Variants in HMCN2 observed in about 807,000 individuals in gnomAD.
The protein encoded by HMCN2 is hemicentin-2.
A neutral mutation model predicts 377.5 loss-of-function variants in HMCN2; 325 were observed. The ratio of observed to expected loss-of-function variants is 0.86; its 90% CI spans 0.79 to 0.94. The LOEUF is 0.94. Among genes scored for constraint, HMCN2 ranks in the 40% least tolerant of loss-of-function variants. HMCN2 has a pLI of 0.00. For synonymous variants in HMCN2, 2,007 were observed against 2,046.8 expected (o/e 0.98, Z 0.53); for missense variants, 4,543 against 4,725.3 (o/e 0.96, Z 1.13).
At position 130,304,441 on chromosome 9, in the gene HMCN2, G is replaced by A. The variant is rs1836720418; in HGVS notation, c.1544-289G>A. 6.6e-6 allele frequency among the ~76,000 whole-genome samples: 1 copy of A among 152,164 alleles called. No homozygotes were observed. The highest frequency in any genetic ancestry group is 6.5e-5 in the Admixed American group (1 of 15,280). On this transcript the variant is annotated intron_variant, in intron 10 of 97. Coordinates refer to ENST00000683500, the MANE Select transcript of HMCN2 (RefSeq NM_001291815.2). The surrounding 1 kb of genome is among the most constrained non-coding windows in gnomAD (Gnocchi z 4.3). Reference sequence around the variant, plus strand: ...TCTTCAGCTCGGAGGCATGAAGATGGGTGTCCGGCTTGTTGCACATTGCAC... The same window carrying A: ...TCTTCAGCTCGGAGGCATGAAGATGAGTGTCCGGCTTGTTGCACATTGCAC...
Position 130,427,331 on chromosome 9 carries a change from GCCC to G in HMCN2, c.13900_13902del (p.Pro4634del). ...TTTGCAGAGGAGAACGAGGTCGGCT[GCCC>G]CGAGGGCTTTGAGCTGGACTCCCAG... is the stretch of plus-strand genomic sequence containing the variant. On this transcript the variant is annotated inframe_deletion, in exon 91 of 98. Transcript: ENST00000683500. The G allele has an allele frequency of 6.4e-7, 1 of 1,550,586 alleles. No homozygotes were observed.
chr9:130,346,781 G>A (rs1387283833), intron 25 of HMCN2, among the ~76,000 whole-genome samples: 1 of 152,100 alleles, frequency 6.6e-6, no homozygotes. Context: ...GAGCATAGAC[G>A]CGTCCTCTGA....
chr9:130,272,443 G>T (rs1554921437), intron 1 of HMCN2, among the ~76,000 whole-genome samples: 1 of 125,660 alleles, frequency 8.0e-6, no homozygotes, highest in Non-Finnish European at 2.0e-5. Flanking sequence ...GTTTCACTAT[G>T]TTGGCCAGGC....
At position 130,424,807 on chromosome 9, in the gene HMCN2, C is replaced by T. The variant is rs147034490; in HGVS notation, c.13413C>T (p.Ile4471=). The part of the protein sequence containing the change: ...GPLMRVLVVT[I]APIYWALARE... ...TGATGCGGGTGCTCGTGGTCACCAT[C>T]GCCCCCATCTACTGGGCCCTGGCCA... Residue 4471 remains isoleucine, a synonymous_variant, in exon 88 of 98, where the codon ATC becomes ATT. Transcript: ENST00000683500. 5.5e-3 allele frequency: 8,458 copies of T among 1,538,830 alleles called. 38 individuals carry two copies. The highest frequency in any genetic ancestry group is 7.1e-3 in the Middle Eastern group (42 of 5,898).
chr9:130,379,571 C>A, intron 54 of HMCN2, 104 bp downstream of exon 54: 1 of 400,312 alleles, frequency 2.5e-6, no homozygotes, highest in Non-Finnish European at 3.4e-6. Flanking sequence ...ACCTTAGCTG[C>A]AATTTGTAAA....
Position 130,354,835 on chromosome 9 carries a change from T to C in HMCN2, c.4937T>C (p.Leu1646Pro). The change falls in exon 32 of 98, where the codon CTG (leucine) becomes CCG (proline). Residue 1646 changes from leucine (L) to proline (P), a missense_variant. Physicochemically the swap from Leu to Pro is moderately conservative, Grantham distance 98 (BLOSUM62 -3). This residue lies in a region of HMCN2 where 1,032 missense variants were observed against 1,285.1 expected (regional missense o/e 0.80). Transcript: ENST00000683500. The part of the protein sequence containing the change: ...VKAVAGRPVA[L>P]ECVARGHPSP... ...GCTGTGGCTGGGAGGCCTGTGGCGC[T>C]GGAGTGCGTGGCCAGAGGCCACCCG... 1 of 1,304,214 alleles carries C rather than the reference T, an allele frequency of 7.7e-7. No individual in the cohort carries two copies. The highest frequency in any genetic ancestry group is 1.0e-6 in the Non-Finnish European group (1 of 988,924). 80.8% of individuals were successfully genotyped at this position (1,304,214 alleles called of 1,614,324 possible).
intron 87 of HMCN2, among the ~76,000 whole-genome samples, chr9:130,424,248 G>A (rs753234932): frequency 6.7e-5 from 10 of 149,090 alleles, no homozygotes; most frequent in Non-Finnish European, 1.2e-4. Flanking sequence ...GCATGATCTT[G>A]GCTCACTGCA....
At chr9:130,310,456 A>G (rs1837179735) in intron 15 of HMCN2, among the ~76,000 whole-genome samples, 1 of 149,714 alleles carries the variant, frequency 6.7e-6, no homozygotes, top group Non-Finnish European at 1.5e-5. Flanking sequence ...GGCTGTTGGC[A>G]GGAGGCTCCC....
chr9:130,412,481 G>T (rs545909159), intron 85 of HMCN2, among the ~76,000 whole-genome samples: 1 of 151,700 alleles, frequency 6.6e-6, no homozygotes, highest in South Asian at 2.1e-4. Context: ...TGTATTTTTT[G>T]AATCATGTAT....
At chr9:130,358,819 A>T (rs1055359515) in intron 36 of HMCN2, among the ~76,000 whole-genome samples, 7 of 151,964 alleles carry the variant, frequency 4.6e-5, no homozygotes, top group Non-Finnish European at 1.5e-5. Context: ...GGCTACAGGC[A>T]CCCACCACCA....
chr9:130,431,892 T>G (rs1844781110), intron 96 of HMCN2, among the ~76,000 whole-genome samples: 1 of 152,186 alleles, frequency 6.6e-6, no homozygotes, highest in African/African-American at 2.4e-5. Flanking sequence ...GCTGCTGGTA[T>G]AGTAAGTGCC....
At chr9:130,432,316 A>AG in intron 96 of HMCN2, 113 bp from the exon 97 acceptor site, 1 of 948,544 alleles carries the variant, frequency 1.1e-6, no homozygotes, top group African/African-American at 1.6e-5. Flanking sequence ...CAAAGGGAGA[A>AG]GGGCTGCCCA....
intron 4 of HMCN2, among the ~76,000 whole-genome samples, chr9:130,288,290 G>A (rs1441567371): frequency 1.3e-5 from 2 of 152,216 alleles, no homozygotes; most frequent in Non-Finnish European, 2.9e-5. Context: ...TTTCTGCTGT[G>A]ACAGTCTGGC....
At position 130,369,493 on chromosome 9, in the gene HMCN2, A is replaced by G. The variant is rs963645590; in HGVS notation, c.6788-77A>G. The stretch of plus-strand genomic sequence containing the variant: ...TGGCAAGGGGAGAGGGTGTGTCCCT[A>G]TTGGGCCCGGGGTAAGTGTGTGGTG... On this transcript the variant is annotated intron_variant, in intron 44 of 97. Coordinates refer to ENST00000683500, the MANE Select transcript of HMCN2 (RefSeq NM_001291815.2). The surrounding 1 kb of genome is among the most constrained non-coding windows in gnomAD (Gnocchi z 4.5). The G allele has an allele frequency of 5.8e-6, 5 of 858,494 alleles. No homozygotes were observed. Among genetic ancestry groups the G allele is most frequent in the African/African-American group, 3.7e-5 (2 of 54,700 alleles). The allele number at this position is 858,494 out of a possible 1,614,324, so 53.2% of individuals were successfully genotyped here. A position where few individuals can be genotyped will look rare whatever the true frequency, so the allele number is the denominator to read the frequency against.
rs139662494 is a variant in HMCN2 at position 130,297,666 on chromosome 9, G to T, written c.1012+872G>T. Among the ~76,000 whole-genome samples, 279 of 152,292 alleles carry T rather than the reference G, an allele frequency of 1.8e-3. 2 individuals are homozygous for T. Among genetic ancestry groups the T allele is most frequent in the African/African-American group, 6.4e-3 (265 of 41,570 alleles). On this transcript the variant is annotated intron_variant, in intron 7 of 97. Coordinates refer to ENST00000683500, the MANE Select transcript of HMCN2 (RefSeq NM_001291815.2). Reference sequence around the variant, plus strand: ...ACCTTTAGTGCTTTCTTTCGAGTCTGTCTGCTCTAATGTTTGTTATTCTTG... The same window carrying T: ...ACCTTTAGTGCTTTCTTTCGAGTCTTTCTGCTCTAATGTTTGTTATTCTTG...
At chr9:130,429,295 A>C (rs1462680925) in intron 93 of HMCN2, 4 of 525,148 alleles carry the variant, frequency 7.6e-6, no homozygotes, top group Non-Finnish European at 1.4e-5. Flanking sequence ...AAGGGCTAGA[A>C]TATGGAGAGC....
At chr9:130,309,441 G>A (rs1837092234) in intron 14 of HMCN2, among the ~76,000 whole-genome samples, 1 of 150,120 alleles carries the variant, frequency 6.7e-6, no homozygotes, top group African/African-American at 2.5e-5. Context: ...CTTGAACCTG[G>A]GAGGTAGAGG....
At chr9:130,411,270 C>T (rs370931172) in intron 85 of HMCN2, among the ~76,000 whole-genome samples, 7 of 151,744 alleles carry the variant, frequency 4.6e-5, no homozygotes, top group Non-Finnish European at 8.8e-5. Context: ...AAAATTCACC[C>T]GTTCATGCAA....
Position 130,352,953 on chromosome 9 carries a change from G to C in HMCN2, c.4612G>C (p.Glu1538Gln). The change falls in exon 31 of 98, where the codon GAG (glutamate) becomes CAG (glutamine). Residue 1538 changes from glutamate (E) to glutamine (Q), a missense_variant. Glu to Gln is a conservative substitution (Grantham distance 29). This residue lies in a region of HMCN2 where 1,032 missense variants were observed against 1,285.1 expected (regional missense o/e 0.80). Coordinates refer to ENST00000683500, the MANE Select transcript of HMCN2 (RefSeq NM_001291815.2). ...GCCCCCCACTATCTGGGGCTCCAAC[G>C]AGACAGGCGAGGTGGCCGTCATGGA... ...HAPPTIWGSN[E>Q]TGEVAVMEDH... 7.7e-7 allele frequency: 1 copy of C among 1,297,014 alleles called. No individual in the cohort carries two copies. The highest frequency in any genetic ancestry group is 1.0e-6 in the Non-Finnish European group (1 of 984,756). 80.3% of individuals were successfully genotyped at this position (1,297,014 alleles called of 1,614,324 possible).
Sources: gnomAD v4.1 joint callset for allele counts (sites outside exome capture counted in the v4.1 genomes callset) on GRCh38, gnomAD v4.1.1 for gene constraint, gnomAD v4.1.1 regional missense constraint, Gnocchi (gnomAD v3.1) non-coding constraint, MANE v1.5 for transcripts, NCBI Gene and HGNC (gene_info 2026-07-23, HGNC 2026-07-21) for gene names.